Variants in KHDRBS2 observed in about 807,000 individuals in gnomAD.
The protein encoded by KHDRBS2 is KH domain-containing, RNA-binding, signal transduction-associated protein 2.
A neutral mutation model predicts 44.3 loss-of-function variants in KHDRBS2; 26 were observed. The ratio of observed to expected loss-of-function variants is 0.59; its 90% CI spans 0.43 to 0.81. KHDRBS2 has a LOEUF of 0.81. KHDRBS2 is among the 40% of genes least tolerant of loss of function. The probability of loss-of-function intolerance (pLI) is 0.00; values close to 1 mark genes in which losing one functional copy is unlikely to be tolerated. For synonymous variants in KHDRBS2, 194 were observed against 151.1 expected (o/e 1.28, Z -2.08); for missense variants, 476 against 433.1 (o/e 1.10, Z -0.88).
intron 7 of KHDRBS2, among the ~76,000 whole-genome samples, chr6:61,724,711 G>T (rs1259634926): frequency 6.6e-6 from 1 of 152,104 alleles, no homozygotes; most frequent in Admixed American, 6.5e-5. Flanking sequence ...AATGGACAAA[G>T]AAAGGCAATA....
At chr6:62,143,965 G>C (rs1181953377) in intron 2 of KHDRBS2, among the ~76,000 whole-genome samples, 1 of 151,716 alleles carries the variant, frequency 6.6e-6, no homozygotes, top group Non-Finnish European at 1.5e-5. Flanking sequence ...GCCATCCTTT[G>C]CCAGTTGAAA....
chr6:61,970,503 T>C (rs1771149383), intron 4 of KHDRBS2, among the ~76,000 whole-genome samples: 1 of 152,174 alleles, frequency 6.6e-6, no homozygotes, highest in East Asian at 1.9e-4. Flanking sequence ...AAAGCTCACA[T>C]GCAACACTGG....
intron 1 of KHDRBS2, among the ~76,000 whole-genome samples, chr6:62,261,974 T>A (rs1838418371): frequency 6.6e-6 from 1 of 151,724 alleles, no homozygotes; most frequent in Non-Finnish European, 1.5e-5. Context: ...TTTTAAGAAC[T>A]GACAACTTTG....
intron 2 of KHDRBS2, among the ~76,000 whole-genome samples, chr6:62,140,221 T>C (rs1487589399): frequency 6.6e-6 from 1 of 152,298 alleles, no homozygotes. Context: ...AAATCATTAA[T>C]ACAATGTTTG....
intron 6 of KHDRBS2, among the ~76,000 whole-genome samples, chr6:61,740,053 C>T (rs1775924789): frequency 6.6e-6 from 1 of 151,688 alleles, no homozygotes; most frequent in East Asian, 1.9e-4. Flanking sequence ...AAGATATCAA[C>T]AAATGTATAT....
chr6:61,634,267 TA>T, the KHDRBS2 span, among the ~76,000 whole-genome samples: 13 of 147,800 alleles, frequency 8.8e-5, no homozygotes, highest in African/African-American at 2.2e-4. Context: ...CAGATCAAAT[TA>T]AAAAAAAAAA....
In KHDRBS2 at chr6:62,247,118, C is replaced by A. The variant is rs1295728244; in HGVS notation, c.91+38740G>T. Among the ~76,000 whole-genome samples, 3 of 152,018 alleles carry A rather than the reference C, an allele frequency of 2.0e-5. No individual in the cohort carries two copies. The South Asian group carries it at 6.2e-4, about 32-fold the overall frequency. ...CTCTTTGGTCTCACACCTGTGGATA[C>A]CAGCAGTATTAAAGTTAACATTTCT... On this transcript the variant is annotated intron_variant, in intron 1 of 8. Coordinates refer to ENST00000281156, the MANE Select transcript of KHDRBS2 (RefSeq NM_152688.4).
rs1358935605 is a variant in KHDRBS2, at chr6:62,107,268, T to C, written c.220-59274A>G. 5.3e-5 allele frequency among the ~76,000 whole-genome samples: 8 copies of C among 152,214 alleles called. No homozygotes were observed. The East Asian group carries it at 1.2e-3, about 22-fold the overall frequency. ...AGTCTCAGGATACAAAATCAATGTATGAAAATCACAAGCATTCTTATACAC... is the reference window on the plus strand; with the variant it reads ...AGTCTCAGGATACAAAATCAATGTACGAAAATCACAAGCATTCTTATACAC... On this transcript the variant is annotated intron_variant, in intron 2 of 8. Coordinates refer to ENST00000281156, the MANE Select transcript of KHDRBS2 (RefSeq NM_152688.4).
intron 1 of KHDRBS2, among the ~76,000 whole-genome samples, chr6:62,254,466 T>G (rs1837047745): frequency 1.3e-5 from 2 of 152,082 alleles, no homozygotes. Flanking sequence ...GGAGGTTACT[T>G]GATTTATACC....
chr6:61,740,678 T>A (rs1776010751), intron 6 of KHDRBS2, among the ~76,000 whole-genome samples: 1 of 151,942 alleles, frequency 6.6e-6, no homozygotes, highest in Non-Finnish European at 1.5e-5. Flanking sequence ...GTTTTTAACA[T>A]GTCTTATGGG....
At chr6:61,842,318 G>T (rs1288122040) in intron 6 of KHDRBS2, among the ~76,000 whole-genome samples, 6 of 152,104 alleles carry the variant, frequency 3.9e-5, no homozygotes, top group Non-Finnish European at 7.3e-5. Flanking sequence ...GGCTGACAGG[G>T]CCTGGCATCC....
intron 6 of KHDRBS2, among the ~76,000 whole-genome samples, chr6:61,749,299 C>A (rs1777326006): frequency 1.3e-5 from 2 of 152,144 alleles, no homozygotes; most frequent in Middle Eastern, 3.2e-3. Flanking sequence ...AGGCGTGAGC[C>A]ACCGTGCCCC....
chr6:61,956,009 A>G (rs1767171468), intron 4 of KHDRBS2, among the ~76,000 whole-genome samples: 1 of 152,046 alleles, frequency 6.6e-6, no homozygotes. Context: ...CCTGGCCAAC[A>G]TGGTGAAACC....
At chr6:61,597,184 G>A in the KHDRBS2 span, among the ~76,000 whole-genome samples, 7 of 152,126 alleles carry the variant, frequency 4.6e-5, no homozygotes, top group African/African-American at 1.7e-4. Flanking sequence ...GGTGGTTTAG[G>A]TACAGAGGAG....
intron 5 of KHDRBS2, among the ~76,000 whole-genome samples, chr6:61,898,761 T>A (rs1463983052): frequency 2.0e-5 from 3 of 151,952 alleles, no homozygotes; most frequent in Non-Finnish European, 2.9e-5. Flanking sequence ...GATAAGAATT[T>A]ACTTATTAAA....
the KHDRBS2 span, among the ~76,000 whole-genome samples, chr6:61,596,463 A>C: frequency 6.6e-6 from 1 of 152,164 alleles, no homozygotes; most frequent in Non-Finnish European, 1.5e-5. Flanking sequence ...ACACATAGAC[A>C]TGTAGTCCTA....
chr6:61,742,758 TA>T (rs1232530734), intron 6 of KHDRBS2, among the ~76,000 whole-genome samples: 1 of 152,048 alleles, frequency 6.6e-6, no homozygotes, highest in Non-Finnish European at 1.5e-5. Flanking sequence ...GTGAGGTCAT[TA>T]AACCTAACAG....
Position 62,092,540 on chromosome 6 carries a change from G to A in KHDRBS2, c.220-44546C>T, listed in dbSNP as rs559264870. On this transcript the variant is annotated intron_variant, in intron 2 of 8. Coordinates refer to ENST00000281156, the MANE Select transcript of KHDRBS2 (RefSeq NM_152688.4). ...TTTATTGCCCCTCTGGTTTCTGCCCGTGGGCAAAATGGATATTTCATGTTA... is the reference window on the plus strand; with the variant it reads ...TTTATTGCCCCTCTGGTTTCTGCCCATGGGCAAAATGGATATTTCATGTTA... Among the ~76,000 whole-genome samples, 20 of 152,260 alleles carry A rather than the reference G, an allele frequency of 1.3e-4. No homozygotes were observed. The East Asian group carries it at 2.5e-3, about 19-fold the overall frequency.
the KHDRBS2 span, among the ~76,000 whole-genome samples, chr6:61,573,802 A>G: frequency 7.6e-6 from 1 of 130,950 alleles, no homozygotes; most frequent in Non-Finnish European, 1.7e-5. Flanking sequence ...GAAAAAAAAA[A>G]AAAAGTAAAA....
Sources: gnomAD v4.1 joint callset for allele counts (sites outside exome capture counted in the v4.1 genomes callset) on GRCh38, gnomAD v4.1.1 for gene constraint, MANE v1.5 for transcripts, NCBI Gene and HGNC (gene_info 2026-07-23, HGNC 2026-07-21) for gene names.